TMEM135: variants seen among roughly 807,000 people sequenced by gnomAD.
TMEM135 encodes transmembrane protein 135, also known as peroxisomal membrane protein 52.
A neutral mutation model predicts 60.3 loss-of-function variants in TMEM135; 30 were observed. The ratio of observed to expected loss-of-function variants is 0.50; its 90% CI spans 0.37 to 0.68. The LOEUF is 0.68. Ranked by LOEUF, TMEM135 falls within the 30% of genes least tolerant of loss-of-function variation. The probability of loss-of-function intolerance (pLI) is 0.00; values close to 1 mark genes in which losing one functional copy is unlikely to be tolerated. For synonymous variants in TMEM135, 190 were observed against 186.7 expected (o/e 1.02, Z -0.14); for missense variants, 468 against 548.8 (o/e 0.85, Z 1.47).
At chr11:87,200,846 T>A (rs1940077953) in intron 5 of TMEM135, among the ~76,000 whole-genome samples, 2 of 152,176 alleles carry the variant, frequency 1.3e-5, no homozygotes, top group African/African-American at 2.4e-5. Flanking sequence ...TTTTCCAAAG[T>A]AAGTTATAGA....
At chr11:87,159,275 A>T (rs528794) in intron 5 of TMEM135, among the ~76,000 whole-genome samples, 19,580 of 152,162 alleles carry the variant, frequency 0.13, 1,334 homozygotes, top group Middle Eastern at 0.15. Context: ...ACATTTTAAG[A>T]GCTCTGAAAA....
Position 87,107,006 on chromosome 11 carries a change from C to T in TMEM135, c.396+15611C>T, listed in dbSNP as rs114384932. On this transcript the variant is annotated intron_variant, in intron 4 of 14. Transcript: ENST00000305494. ...CACACTTTTAAATAACTGGATTTCA[C>T]GAGAACTCGCTATCACGAAGACAGC... 2.7e-3 allele frequency among the ~76,000 whole-genome samples: 417 copies of T among 152,192 alleles called. 3 individuals are homozygous for T. The highest frequency in any genetic ancestry group is 9.5e-3 in the African/African-American group (393 of 41,522).
In TMEM135 at chr11:87,118,515, C is replaced by G. The variant is rs534785799; in HGVS notation, c.396+27120C>G. On this transcript the variant is annotated intron_variant, in intron 4 of 14. Transcript: ENST00000305494. ...CCGGGCTGGAGTGCAATGACACGAT[C>G]TCAGCTCACTGCAACCTCCACCTCC... is the stretch of plus-strand genomic sequence containing the variant. Among the ~76,000 whole-genome samples, 37 of 151,708 alleles carry G rather than the reference C, an allele frequency of 2.4e-4. 1 individual carries two copies. In the South Asian group the frequency reaches 7.7e-3, roughly 32 times the overall value.
chr11:87,199,705 G>A (rs1940049988), intron 5 of TMEM135, among the ~76,000 whole-genome samples: 1 of 151,966 alleles, frequency 6.6e-6, no homozygotes, highest in Non-Finnish European at 1.5e-5. Flanking sequence ...CGAGGCAGGC[G>A]TATCACCTGA....
rs1259261764 is a variant in TMEM135 at position 87,309,739 on chromosome 11, T to G, written c.936+67T>G. ...ACATTGCTATTGTTAGAATGAGAGATGGCCTTAGTTCACTTATTTTTTAAT... is the reference window on the plus strand; with the variant it reads ...ACATTGCTATTGTTAGAATGAGAGAGGGCCTTAGTTCACTTATTTTTTAAT... On this transcript the variant is annotated intron_variant, in intron 10 of 14. Coordinates refer to ENST00000305494, the MANE Select transcript of TMEM135 (RefSeq NM_022918.4). The G allele has an allele frequency of 2.6e-6, 4 of 1,535,660 alleles. No homozygotes were observed. The East Asian group carries it at 9.0e-5, about 35-fold the overall frequency.
At chr11:87,319,274 A>T in intron 13 of TMEM135, 36 bp from the exon 14 acceptor site, 1 of 1,525,338 alleles carries the variant, frequency 6.6e-7, no homozygotes, top group Non-Finnish European at 9.1e-7. Context: ...GTTTTCATTT[A>T]TATTTACTAA....
chr11:87,313,507 TGAATGG>T lies in TMEM135; in HGVS notation c.1000+20_1000+25del. On this transcript the variant is annotated intron_variant, in intron 11 of 14. Coordinates refer to ENST00000305494, the MANE Select transcript of TMEM135 (RefSeq NM_022918.4). ...ATAGCTGGTAAAGCAATAATAAAAATGAATGGTTATTATTGTATTAATCAGTGGTAG... is the reference window on the plus strand; with the variant it reads ...ATAGCTGGTAAAGCAATAATAAAAATTTATTATTGTATTAATCAGTGGTAG... 1 of 1,585,900 alleles carries T rather than the reference TGAATGG, an allele frequency of 6.3e-7. No individual in the cohort carries two copies. Among genetic ancestry groups the T allele is most frequent in the Non-Finnish European group, 8.7e-7 (1 of 1,155,348 alleles).
chr11:87,143,309 G>A (rs1400979980), intron 4 of TMEM135, among the ~76,000 whole-genome samples: 1 of 149,800 alleles, frequency 6.7e-6, no homozygotes, highest in Admixed American at 6.6e-5. Flanking sequence ...TTTTTGAAAT[G>A]CAATACCTGG....
At chr11:87,251,777 G>T (rs1026973445) in intron 6 of TMEM135, among the ~76,000 whole-genome samples, 1 of 152,152 alleles carries the variant, frequency 6.6e-6, no homozygotes, top group East Asian at 1.9e-4. Context: ...ACTAAAACGC[G>T]TGAGCACCTA....
intron 7 of TMEM135, among the ~76,000 whole-genome samples, chr11:87,301,347 A>G (rs769425460): frequency 1.3e-5 from 2 of 151,914 alleles, no homozygotes; most frequent in Non-Finnish European, 2.9e-5. Flanking sequence ...TTTAATTCCT[A>G]AGCTCAAGCA....
Position 87,302,325 on chromosome 11 carries a change from C to T in TMEM135, c.581C>T (p.Thr194Ile). Residue 194 changes from threonine (T) to isoleucine (I), a missense_variant, in exon 8 of 15, where the codon ACA becomes ATA. Thr to Ile is a moderately conservative substitution (Grantham distance 89, BLOSUM62 -1). Coordinates refer to ENST00000305494, the MANE Select transcript of TMEM135 (RefSeq NM_022918.4). ...ATTGTAGGGAAGGAAGAAATTCCCA[C>T]ACATTCTTTTTCACCAGAGGCAGCA... The part of the protein sequence containing the change: ...RFIVGKEEIP[T>I]HSFSPEAAYA... 6.2e-7 allele frequency: 1 copy of T among 1,613,644 alleles called. No homozygotes were observed. Among genetic ancestry groups the T allele is most frequent in the Non-Finnish European group, 8.5e-7 (1 of 1,179,874 alleles).
chr11:87,102,713 T>TATATATAC (rs111746608), intron 4 of TMEM135, among the ~76,000 whole-genome samples: 3 of 64,932 alleles, frequency 4.6e-5, no homozygotes, highest in Non-Finnish European at 8.2e-5. Context: ...TGTATATATA[T>TATATATAC]GTATATATAT....
At chr11:87,070,069 G>A (rs1257005060) in intron 2 of TMEM135, among the ~76,000 whole-genome samples, 2 of 152,030 alleles carry the variant, frequency 1.3e-5, no homozygotes, top group Non-Finnish European at 2.9e-5. Flanking sequence ...TAACTTGGGA[G>A]GCTGAGGCCA....
chr11:87,113,771 G>A (rs1857811043), intron 4 of TMEM135, among the ~76,000 whole-genome samples: 1 of 151,962 alleles, frequency 6.6e-6, no homozygotes, highest in Non-Finnish European at 1.5e-5. Flanking sequence ...TCCAGACACT[G>A]TCTCTTACTG....
intron 4 of TMEM135, among the ~76,000 whole-genome samples, chr11:87,113,427 A>G (rs1333997979): frequency 6.6e-6 from 1 of 152,134 alleles, no homozygotes; most frequent in Non-Finnish European, 1.5e-5. Flanking sequence ...TTGTTAGATG[A>G]TTGATGAGTT....
At chr11:87,310,018 T>C (rs964610949) in intron 10 of TMEM135, among the ~76,000 whole-genome samples, 2 of 151,690 alleles carry the variant, frequency 1.3e-5, no homozygotes, top group African/African-American at 2.4e-5. Flanking sequence ...GGCTTATTTA[T>C]TTTTTTATCA....
At chr11:87,270,530 C>G (rs1166019788) in intron 6 of TMEM135, among the ~76,000 whole-genome samples, 1 of 152,014 alleles carries the variant, frequency 6.6e-6, no homozygotes, top group East Asian at 1.9e-4. Flanking sequence ...GTAAAAAGTC[C>G]TACAATATAT....
chr11:87,278,214 GATATCTTTTCCCTAAAACCA>G (rs1942001805), intron 6 of TMEM135, among the ~76,000 whole-genome samples: 1 of 152,116 alleles, frequency 6.6e-6, no homozygotes, highest in African/African-American at 2.4e-5. Flanking sequence ...CTGCACAAAT[GATATCTTTTCCCTAAAACCA>G]TCTTTGATTC....
At chr11:87,082,826 A>G (rs1857019708) in intron 3 of TMEM135, among the ~76,000 whole-genome samples, 2 of 152,204 alleles carry the variant, frequency 1.3e-5, no homozygotes, top group Admixed American at 6.5e-5. Context: ...TTTTTAAAAA[A>G]TAGCAAATAA....
Sources: allele counts gnomAD v4.1 joint callset (sites outside exome capture counted in the v4.1 genomes callset), GRCh38; gene constraint gnomAD v4.1.1; transcripts MANE v1.5; gene names NCBI Gene and HGNC (gene_info 2026-07-23, HGNC 2026-07-21).